The following ROR2 variants were observed in gnomAD, a reference collection of about 807,000 sequenced individuals.
ROR2 encodes ROR family WNT receptor 2, also known as tyrosine-protein kinase transmembrane receptor ROR2.
ROR2 carries 33 observed loss-of-function variants against 74.9 expected under a neutral mutation model. The ratio of observed to expected loss-of-function variants is 0.44; its 90% CI spans 0.33 to 0.59. ROR2 has a LOEUF of 0.59. Among genes scored for constraint, ROR2 ranks in the 20% least tolerant of loss-of-function variants. The probability of loss-of-function intolerance (pLI) is 0.02; values close to 1 mark genes in which losing one functional copy is unlikely to be tolerated. For synonymous variants in ROR2, 586 were observed against 558.7 expected, an observed-to-expected ratio of 1.05 and a Z score of -0.69; for missense variants, 1,216 against 1,313.8, an observed-to-expected ratio of 0.93 and a Z score of 1.15.
At chr9:91,845,592 C>G (rs968699227) in intron 1 of ROR2, among the ~76,000 whole-genome samples, 1 of 152,042 alleles carries the variant, frequency 6.6e-6, no homozygotes, top group Non-Finnish European at 1.5e-5. Context: ...TATAATAACA[C>G]ACACCCAGGC....
intron 1 of ROR2, among the ~76,000 whole-genome samples, chr9:91,876,346 G>A (rs1401195595): frequency 6.6e-6 from 1 of 150,880 alleles, no homozygotes; most frequent in East Asian, 2.0e-4. Context: ...TCCAGCACGG[G>A]CGGCAGAGCC....
At chr9:91,778,154 T>A (rs7041425) in intron 1 of ROR2, among the ~76,000 whole-genome samples, 35,428 of 152,216 alleles carry the variant, frequency 0.23, 4,353 homozygotes, top group Middle Eastern at 0.35. Flanking sequence ...GCACACAAGC[T>A]GGGAGGAATG....
chr9:91,759,827 C>A (rs1272826443), intron 2 of ROR2, among the ~76,000 whole-genome samples: 3 of 152,178 alleles, frequency 2.0e-5, no homozygotes. Flanking sequence ...GCACCACGTT[C>A]CAGCCAGGCC....
At chr9:91,848,764 G>GAAAAAAAA (rs36044426) in intron 1 of ROR2, among the ~76,000 whole-genome samples, 1 of 103,762 alleles carries the variant, frequency 9.6e-6, no homozygotes, top group Non-Finnish European at 2.0e-5. Flanking sequence ...CAGGGGGGAA[G>GAAAAAAAA]AAAAAAAAAA....
intron 1 of ROR2, among the ~76,000 whole-genome samples, chr9:91,824,315 C>T (rs917862431): frequency 1.3e-5 from 2 of 152,250 alleles, no homozygotes; most frequent in African/African-American, 4.8e-5. Context: ...GCCAAACTCA[C>T]TGTGCTTCCT....
chr9:91,877,542 C>T (rs1229711008), intron 1 of ROR2, among the ~76,000 whole-genome samples: 1 of 152,196 alleles, frequency 6.6e-6, no homozygotes, highest in Non-Finnish European at 1.5e-5. Context: ...AATGAGTGAT[C>T]TAAATGTACC....
intron 4 of ROR2, among the ~76,000 whole-genome samples, chr9:91,740,311 G>T (rs559857594): frequency 2.4e-4 from 36 of 152,282 alleles, no homozygotes; most frequent in Middle Eastern, 3.4e-3. Context: ...CACTTTGGGA[G>T]GCCAAGGTGG....
At chr9:91,861,824 A>G (rs1169952067) in intron 1 of ROR2, among the ~76,000 whole-genome samples, 1 of 152,244 alleles carries the variant, frequency 6.6e-6, no homozygotes, top group African/African-American at 2.4e-5. Flanking sequence ...GGGAGAAAGT[A>G]CTTTCAAAGT....
chr9:91,886,234 G>A (rs565802831), intron 1 of ROR2, among the ~76,000 whole-genome samples: 1 of 152,262 alleles, frequency 6.6e-6, no homozygotes, highest in South Asian at 2.1e-4. Context: ...CCATCTTAAA[G>A]GGGTTTCACA....
chr9:91,782,586 A>C (rs1826657262), intron 1 of ROR2, among the ~76,000 whole-genome samples: 3 of 9,884 alleles, frequency 3.0e-4, no homozygotes, highest in Non-Finnish European at 7.9e-4. Flanking sequence ...GCTGATAGCA[A>C]AAAAAAAAAA....
intron 1 of ROR2, among the ~76,000 whole-genome samples, chr9:91,866,939 AG>A (rs1031987183): frequency 1.3e-5 from 2 of 152,220 alleles, no homozygotes; most frequent in Non-Finnish European, 2.9e-5. Flanking sequence ...TCCTCAAAAT[AG>A]GGTTGGTGCT....
chr9:91,798,069 A>G (rs1283838112), intron 1 of ROR2, among the ~76,000 whole-genome samples: 1 of 2,288 alleles, frequency 4.4e-4, no homozygotes. Context: ...GGATCTGTGG[A>G]TAGGGCTGAC....
chr9:91,914,067 T>C (rs1831061244), intron 1 of ROR2, among the ~76,000 whole-genome samples: 1 of 151,050 alleles, frequency 6.6e-6, no homozygotes, highest in Admixed American at 6.6e-5. Context: ...CAAAAAAAAA[T>C]CTCATGCTGT....
chr9:91,928,455 T>C (rs1340537883), intron 1 of ROR2, among the ~76,000 whole-genome samples: 2 of 152,158 alleles, frequency 1.3e-5, no homozygotes, highest in South Asian at 4.1e-4. Flanking sequence ...TGTGCCCTGG[T>C]GGCCACATAA....
chr9:91,894,217 T>C (rs1214254709), intron 1 of ROR2, among the ~76,000 whole-genome samples: 1 of 152,166 alleles, frequency 6.6e-6, no homozygotes, highest in Non-Finnish European at 1.5e-5. Context: ...GCCTTTGCAC[T>C]GGCCACTCCC....
chr9:91,849,167 G>A (rs1476337818), intron 1 of ROR2, among the ~76,000 whole-genome samples: 3 of 152,170 alleles, frequency 2.0e-5, no homozygotes. Flanking sequence ...CCTTTCTTGA[G>A]TGGTTTTGTA....
chr9:91,852,681 C>T (rs186807058), intron 1 of ROR2, among the ~76,000 whole-genome samples: 178 of 141,862 alleles, frequency 1.3e-3, no homozygotes, highest in East Asian at 7.9e-3. Context: ...CATAAGAAGT[C>T]GGTAAAAAAT....
At chr9:91,883,377 T>C (rs1222570438) in intron 1 of ROR2, 1 of 152,232 alleles carries the variant, frequency 6.6e-6, no homozygotes, top group Non-Finnish European at 1.5e-5. Context: ...CACTCACATT[T>C]TCTTCACTGT....
intron 1 of ROR2, among the ~76,000 whole-genome samples, chr9:91,794,882 G>C (rs963361293): frequency 7.2e-5 from 11 of 152,088 alleles, no homozygotes; most frequent in Non-Finnish European, 1.5e-4. Flanking sequence ...AGCACTTTCG[G>C]AGGCCAAGGC....
Sources: allele counts gnomAD v4.1 joint callset (sites outside exome capture counted in the v4.1 genomes callset), GRCh38; gene constraint gnomAD v4.1.1; transcripts MANE v1.5; gene names NCBI Gene and HGNC (gene_info 2026-07-23, HGNC 2026-07-21).